Variants in SPAG16 observed in about 807,000 individuals in gnomAD.
SPAG16 encodes the protein sperm-associated antigen 16 protein.
Under a neutral mutation model 80.4 loss-of-function variants are expected in SPAG16, and 86 were observed. The ratio of observed to expected loss-of-function variants is 1.07; its 90% CI spans 0.90 to 1.28. SPAG16 has a LOEUF of 1.28. Ranked by LOEUF, SPAG16 falls within the 50% of genes most tolerant of loss-of-function variation. The pLI, the probability that SPAG16 is intolerant of heterozygous loss-of-function variation, is 0.00. For synonymous variants in SPAG16, 294 were observed against 265.9 expected, an observed-to-expected ratio of 1.11 and a Z score of -1.03; for missense variants, 870 against 765.3, an observed-to-expected ratio of 1.14 and a Z score of -1.61.
At chr2:213,449,292 C>T (rs1238034715) in intron 9 of SPAG16, among the ~76,000 whole-genome samples, 2 of 152,160 alleles carry the variant, frequency 1.3e-5, no homozygotes, top group African/African-American at 2.4e-5. Flanking sequence ...AATACATGCA[C>T]CACTGAATAT....
At chr2:213,796,053 C>T (rs1266281526) in intron 10 of SPAG16, among the ~76,000 whole-genome samples, 6 of 151,974 alleles carry the variant, frequency 3.9e-5, no homozygotes, top group East Asian at 1.9e-4. Context: ...TTGGAGGATA[C>T]GATATATCTT....
At chr2:213,956,530 C>T (rs1277490724) in intron 12 of SPAG16, among the ~76,000 whole-genome samples, 2 of 150,706 alleles carry the variant, frequency 1.3e-5, no homozygotes, top group African/African-American at 2.4e-5. Flanking sequence ...TCACTGCAAC[C>T]GCCGCCTCCC....
In SPAG16 at chr2:214,322,413, T is replaced by C. The variant is rs146263341; in HGVS notation, c.1721-87727T>C. Among the ~76,000 whole-genome samples the C allele has an allele frequency of 5.9e-3, 896 of 151,396 alleles. 9 individuals carry two copies. The highest frequency in any genetic ancestry group is 0.02 in the African/African-American group (833 of 41,294). On this transcript the variant is annotated intron_variant, in intron 15 of 15. Coordinates refer to ENST00000331683, the MANE Select transcript of SPAG16 (RefSeq NM_024532.5). ...GAAAATGGTACCTATAGTTGTTAAA[T>C]AAATTGATTGTTTTTAAAGAGATAA...
rs1441445559 is a variant in SPAG16 at position 213,375,939 on chromosome 2, G to T, written c.942+820G>T. On this transcript the variant is annotated intron_variant, in intron 9 of 15. Coordinates refer to ENST00000331683, the MANE Select transcript of SPAG16 (RefSeq NM_024532.5). Reference sequence around the variant, plus strand: ...GTATTGTATAAAATATTTATACAATGAATTTTTATAAATTTGTATAAATAT... The same window carrying T: ...GTATTGTATAAAATATTTATACAATTAATTTTTATAAATTTGTATAAATAT... Among the ~76,000 whole-genome samples the T allele has an allele frequency of 5.3e-5, 8 of 149,546 alleles. No homozygotes were observed. In the East Asian group the frequency reaches 1.6e-3, roughly 29 times the overall value.
intron 10 of SPAG16, among the ~76,000 whole-genome samples, chr2:213,752,167 G>A (rs910681619): frequency 2.6e-5 from 4 of 152,010 alleles, no homozygotes; most frequent in African/African-American, 7.2e-5. Flanking sequence ...TTTCTCATGC[G>A]AGACATATTC....
intron 3 of SPAG16, among the ~76,000 whole-genome samples, chr2:213,306,181 G>C (rs996609720): frequency 6.6e-6 from 1 of 151,290 alleles, no homozygotes; most frequent in African/African-American, 2.4e-5. Flanking sequence ...TATTGGTTGT[G>C]ATGTCCCCTT....
intron 15 of SPAG16, among the ~76,000 whole-genome samples, chr2:214,303,985 T>A (rs772883837): frequency 1.2e-4 from 18 of 152,278 alleles, no homozygotes; most frequent in Admixed American, 2.6e-4. Context: ...CATTAGGTAT[T>A]TTTCCTGATC....
At chr2:214,154,934 A>G (rs1191999281) in intron 15 of SPAG16, among the ~76,000 whole-genome samples, 1 of 152,216 alleles carries the variant, frequency 6.6e-6, no homozygotes, top group Non-Finnish European at 1.5e-5. Context: ...ATTTGGCAAT[A>G]AAAAACTGTA....
chr2:213,461,908 G>A (rs367665816), intron 9 of SPAG16, among the ~76,000 whole-genome samples: 1 of 152,168 alleles, frequency 6.6e-6, no homozygotes. Flanking sequence ...GTGTATGTGT[G>A]TGTGTATGTG....
At chr2:213,817,201 G>C (rs1304568348) in intron 10 of SPAG16, among the ~76,000 whole-genome samples, 1 of 143,924 alleles carries the variant, frequency 6.9e-6, no homozygotes, top group Non-Finnish European at 1.5e-5. Flanking sequence ...TTACTACTTT[G>C]TACAAAGCAT....
intron 12 of SPAG16, among the ~76,000 whole-genome samples, chr2:213,983,053 T>A (rs13411861): frequency 0.43 from 65,287 of 151,688 alleles, 14,539 homozygotes; most frequent in South Asian, 0.66. Context: ...TCAATACTTT[T>A]GGGAGCAATG....
chr2:214,402,457 C>A lies in SPAG16; in HGVS notation c.1721-7683C>A, dbSNP rs144630732. On this transcript the variant is annotated intron_variant, in intron 15 of 15. Coordinates refer to ENST00000331683, the MANE Select transcript of SPAG16 (RefSeq NM_024532.5). ...CTTAATTCTTAAATTAAGTTGAGAT[C>A]TTTCAGCAAAACAAGAACTGTTTTT... Among the ~76,000 whole-genome samples, 456 of 151,592 alleles carry A rather than the reference C, an allele frequency of 3.0e-3. 2 individuals are homozygous for A. Among genetic ancestry groups the A allele is most frequent in the African/African-American group, 0.011 (437 of 41,342 alleles).
At chr2:213,919,948 T>C (rs1401751327) in intron 11 of SPAG16, among the ~76,000 whole-genome samples, 1 of 152,240 alleles carries the variant, frequency 6.6e-6, no homozygotes, top group Non-Finnish European at 1.5e-5. Context: ...CTTTAAGAAC[T>C]TGCTTTATGA....
At chr2:214,285,436 A>G (rs538226842) in intron 15 of SPAG16, among the ~76,000 whole-genome samples, 1 of 152,178 alleles carries the variant, frequency 6.6e-6, no homozygotes, top group East Asian at 1.9e-4. Flanking sequence ...ATGAGTTTCT[A>G]TTTCATTCTG....
chr2:213,928,342 T>C (rs2078589270), intron 11 of SPAG16, among the ~76,000 whole-genome samples: 1 of 151,368 alleles, frequency 6.6e-6, no homozygotes, highest in South Asian at 2.1e-4. Context: ...TCTGCCCCCC[T>C]CGACCTCCCA....
chr2:213,544,831 C>T (rs78801086), intron 10 of SPAG16, among the ~76,000 whole-genome samples: 11,902 of 151,980 alleles, frequency 0.078, 1,146 homozygotes, highest in African/African-American at 0.23. Flanking sequence ...AAGTTTTCTC[C>T]GTTTCTTTTT....
At chr2:213,749,186 A>T (rs2125481094) in intron 10 of SPAG16, among the ~76,000 whole-genome samples, 1 of 151,692 alleles carries the variant, frequency 6.6e-6, no homozygotes, top group South Asian at 2.1e-4. Context: ...AACAAAAAAC[A>T]CTCAGAAAAA....
At chr2:214,111,136 T>G (rs1164723496) in intron 14 of SPAG16, among the ~76,000 whole-genome samples, 2 of 152,224 alleles carry the variant, frequency 1.3e-5, no homozygotes, top group Non-Finnish European at 2.9e-5. Context: ...TTAGTTTAAT[T>G]AGATCCCATT....
chr2:213,533,305 T>C (rs2076135043), intron 10 of SPAG16, among the ~76,000 whole-genome samples: 1 of 152,160 alleles, frequency 6.6e-6, no homozygotes, highest in Non-Finnish European at 1.5e-5. Context: ...GATGCTCAAA[T>C]TTCTCCTCCC....
Sources: gnomAD v4.1 joint callset for allele counts (sites outside exome capture counted in the v4.1 genomes callset) on GRCh38, gnomAD v4.1.1 for gene constraint, MANE v1.5 for transcripts, NCBI Gene and HGNC (gene_info 2026-07-23, HGNC 2026-07-21) for gene names.